Variants in NBEA observed in about 807,000 individuals in gnomAD.
NBEA encodes lysosomal-trafficking regulator 2.
Under a neutral mutation model 343.4 loss-of-function variants are expected in NBEA, and 44 were observed. That is an observed-to-expected ratio of 0.13 (90% confidence interval 0.10 to 0.16). The LOEUF (loss-of-function observed/expected upper bound fraction) is 0.16, where lower values mean the gene tolerates loss of function less well. Among genes scored for constraint, NBEA ranks in the 10% least tolerant of loss-of-function variants. The pLI is 1.00. For missense variants in NBEA, 2,555 were observed against 3,631.3 expected (o/e 0.70, Z 7.62); for synonymous variants, 1,175 against 1,238.7 (o/e 0.95, Z 1.08).
At chr13:35,155,738 G>A (rs200229381) in intron 18 of NBEA, 36 bp from the exon 19 acceptor site, 6 of 1,493,290 alleles carry the variant, frequency 4.0e-6, no homozygotes, top group African/African-American at 1.4e-5. Flanking sequence ...TATTTAAATT[G>A]TTTTCTAAAT....
At chr13:35,083,975 AAGAAGGCCATTACATAATGGT>A (rs1438489556) in intron 10 of NBEA, among the ~76,000 whole-genome samples, 1 of 152,164 alleles carries the variant, frequency 6.6e-6, no homozygotes, top group African/African-American at 2.4e-5. Flanking sequence ...AAAAGAGACA[AAGAAGGCCATTACATAATGGT>A]AAAGGGATCA....
chr13:35,015,851 T>C (rs1377641936), intron 1 of NBEA, among the ~76,000 whole-genome samples: 1 of 152,100 alleles, frequency 6.6e-6, no homozygotes, highest in African/African-American at 2.4e-5. Flanking sequence ...TAACATTATG[T>C]ATAACAGTGA....
chr13:35,658,469 A>G (rs2084922588), intron 55 of NBEA, among the ~76,000 whole-genome samples: 2 of 152,168 alleles, frequency 1.3e-5, no homozygotes, highest in South Asian at 4.1e-4. Flanking sequence ...TTGGGTGCCT[A>G]CTGTGTGCCT....
At chr13:35,258,372 G>A (rs1487119385) in intron 34 of NBEA, among the ~76,000 whole-genome samples, 1 of 151,648 alleles carries the variant, frequency 6.6e-6, no homozygotes, top group South Asian at 2.1e-4. Context: ...CATCATGTTG[G>A]TCAGGCTGGT....
At chr13:35,407,804 G>C (rs966649618) in intron 38 of NBEA, among the ~76,000 whole-genome samples, 2 of 152,132 alleles carry the variant, frequency 1.3e-5, no homozygotes, top group Admixed American at 6.5e-5. Flanking sequence ...CAGCTAACTA[G>C]GGAGGTGAAA....
Position 35,500,737 on chromosome 13 carries a change from A to G in NBEA, c.6585+28201A>G, listed in dbSNP as rs1165804612. 4.8e-5 allele frequency among the ~76,000 whole-genome samples: 7 copies of G among 146,486 alleles called. No homozygotes were observed. The East Asian group carries it at 1.4e-3, about 29-fold the overall frequency. The stretch of plus-strand genomic sequence containing the variant: ...TTCTTTTTTTTTTTTTTTTGAAAAC[A>G]TAATTGTTGGTTCTGTAAAATATTA... On this transcript the variant is annotated intron_variant, in intron 41 of 58. Coordinates refer to ENST00000379939, the MANE Select transcript of NBEA (RefSeq NM_001385012.1).
At chr13:35,140,922 A>T (rs1318199336) in intron 17 of NBEA, among the ~76,000 whole-genome samples, 5 of 152,116 alleles carry the variant, frequency 3.3e-5, no homozygotes, top group Non-Finnish European at 5.9e-5. Flanking sequence ...AGCTTCTCCC[A>T]CCTTGTAGCT....
rs1030962676 is a variant in NBEA, at chr13:35,086,102, A to G, written c.1572-12195A>G. Among the ~76,000 whole-genome samples the G allele has an allele frequency of 9.9e-5, 15 of 152,138 alleles. 2 individuals are homozygous for G. The highest frequency in any genetic ancestry group is 9.8e-4 in the Admixed American group (15 of 15,252). ...AGAGGATACAAACAAATGGAAGAAC[A>G]TTCCATGCTCATGGGTAGGAAGAAT... On this transcript the variant is annotated intron_variant, in intron 10 of 58. Coordinates refer to ENST00000379939, the MANE Select transcript of NBEA (RefSeq NM_001385012.1).
intron 1 of NBEA, among the ~76,000 whole-genome samples, chr13:35,033,988 C>G (rs1436114942): frequency 1.3e-5 from 2 of 151,518 alleles, no homozygotes; most frequent in African/African-American, 2.4e-5. Context: ...ATTTGGATAC[C>G]TTTTTCTAGC....
At chr13:35,023,512 G>A (rs533650106) in intron 1 of NBEA, among the ~76,000 whole-genome samples, 9 of 152,260 alleles carry the variant, frequency 5.9e-5, no homozygotes, top group African/African-American at 1.9e-4. Context: ...GATCATAGAG[G>A]AGGGTAGTAT....
intron 39 of NBEA, among the ~76,000 whole-genome samples, chr13:35,438,149 A>C (rs191990068): frequency 6.6e-6 from 1 of 152,290 alleles, no homozygotes; most frequent in East Asian, 1.9e-4. Context: ...TGACAAAGTT[A>C]ATCAGTCATT....
chr13:35,019,796 G>A (rs1002117630), intron 1 of NBEA, among the ~76,000 whole-genome samples: 4 of 152,142 alleles, frequency 2.6e-5, no homozygotes, highest in Admixed American at 1.3e-4. Flanking sequence ...TAGGTATAAA[G>A]TTGTTCACAA....
intron 24 of NBEA, among the ~76,000 whole-genome samples, chr13:35,165,279 A>G (rs1452603714): frequency 6.6e-6 from 1 of 152,182 alleles, no homozygotes; most frequent in Non-Finnish European, 1.5e-5. Context: ...TTCTTTTGTT[A>G]ATGCCACCAC....
Position 35,641,578 on chromosome 13 carries a change from T to C in NBEA, c.7618-4291T>C, listed in dbSNP as rs959541120. Among the ~76,000 whole-genome samples the C allele has an allele frequency of 3.3e-5, 5 of 152,250 alleles. No homozygotes were observed. In the Middle Eastern group the frequency reaches 0.01, roughly 311 times the overall value. The stretch of plus-strand genomic sequence containing the variant: ...TCAAAAAAGGCAGAAACAGGAAATA[T>C]GTAGTGTATAACTCAATTTATCAAA... On this transcript the variant is annotated intron_variant, in intron 49 of 58. Coordinates refer to ENST00000379939, the MANE Select transcript of NBEA (RefSeq NM_001385012.1).
intron 1 of NBEA, among the ~76,000 whole-genome samples, chr13:34,954,624 A>T (rs1226639720): frequency 6.6e-6 from 1 of 152,150 alleles, no homozygotes; most frequent in Non-Finnish European, 1.5e-5. Context: ...TCCATGGAAG[A>T]TTGGTTTCAG....
intron 30 of NBEA, among the ~76,000 whole-genome samples, chr13:35,188,581 G>A (rs1395724548): frequency 2.0e-5 from 3 of 151,772 alleles, no homozygotes; most frequent in Non-Finnish European, 4.4e-5. Flanking sequence ...TTTTTTTATG[G>A]GTGAATAGTG....
At chr13:35,182,255 T>C (rs1356202774) in intron 28 of NBEA, 105 bp from the exon 29 acceptor site, 4 of 708,648 alleles carry the variant, frequency 5.6e-6, no homozygotes, top group Non-Finnish European at 8.3e-6. Context: ...AAGTTACATA[T>C]CATATTTTGC....
chr13:35,036,420 A>G (rs2062444115), intron 1 of NBEA, among the ~76,000 whole-genome samples: 6 of 152,154 alleles, frequency 3.9e-5, no homozygotes. Context: ...TACTTAGGAT[A>G]AAAGTAGTTT....
chr13:35,531,912 CATATGTAA>C (rs765148037), intron 41 of NBEA, among the ~76,000 whole-genome samples: 3 of 152,112 alleles, frequency 2.0e-5, no homozygotes, highest in Non-Finnish European at 4.4e-5. Flanking sequence ...TTTATTTTGC[CATATGTAA>C]AAGCAAAGCA....
Sources: gnomAD v4.1 joint callset for allele counts (sites outside exome capture counted in the v4.1 genomes callset) on GRCh38, gnomAD v4.1.1 for gene constraint, MANE v1.5 for transcripts, NCBI Gene and HGNC (gene_info 2026-07-23, HGNC 2026-07-21) for gene names.